The following GCNT2 variants were observed in gnomAD, a reference collection of about 807,000 sequenced individuals.
GCNT2 encodes the protein N-acetyllactosaminide beta-1,6-N-acetylglucosaminyl-transferase.
A neutral mutation model predicts 34.2 loss-of-function variants in GCNT2; 34 were observed. That is an observed-to-expected ratio of 1.00 (90% CI 0.76 to 1.32). The LOEUF (loss-of-function observed/expected upper bound fraction) is 1.32, where lower values mean the gene tolerates loss of function less well. Ranked by LOEUF, GCNT2 falls within the 40% of genes most tolerant of loss-of-function variation. GCNT2 has a pLI of 0.00. For synonymous variants in GCNT2, 212 were observed against 188.0 expected (o/e 1.13, Z -1.04); for missense variants, 584 against 489.4 (o/e 1.19, Z -1.82).
chr6:10,614,171 C>T (rs1765669637), intron 3 of GCNT2, among the ~76,000 whole-genome samples: 1 of 152,098 alleles, frequency 6.6e-6, no homozygotes, highest in South Asian at 2.1e-4. Context: ...CCAAGTGATG[C>T]TTACTAGGTA....
chr6:10,569,507 CG>C (rs1763441866), intron 3 of GCNT2, among the ~76,000 whole-genome samples: 1 of 152,106 alleles, frequency 6.6e-6, no homozygotes, highest in African/African-American at 2.4e-5. Flanking sequence ...TTTTCTTTGA[CG>C]TTTCCTAAAT....
At chr6:10,617,862 C>T (rs576461673) in intron 3 of GCNT2, among the ~76,000 whole-genome samples, 18 of 149,762 alleles carry the variant, frequency 1.2e-4, no homozygotes, top group African/African-American at 3.5e-4. Context: ...TCAAACAATT[C>T]TTCTGCCTCA....
intron 3 of GCNT2, among the ~76,000 whole-genome samples, chr6:10,600,075 G>C (rs1765030333): frequency 6.6e-6 from 1 of 152,146 alleles, no homozygotes; most frequent in Non-Finnish European, 1.5e-5. Context: ...AGCTGAACCT[G>C]GCCACAAAGA....
intron 3 of GCNT2, among the ~76,000 whole-genome samples, chr6:10,576,541 T>C (rs1291126148): frequency 6.6e-6 from 1 of 152,010 alleles, no homozygotes; most frequent in Non-Finnish European, 1.5e-5. Flanking sequence ...CAAAAATCTA[T>C]TCAAGGAGGC....
chr6:10,588,828 TGTATGTGTGTG>T (rs1394368409), intron 3 of GCNT2, among the ~76,000 whole-genome samples: 10 of 145,336 alleles, frequency 6.9e-5, no homozygotes, highest in Non-Finnish European at 9.0e-5. Flanking sequence ...GTGTTTGCAG[TGTATGTGTGTG>T]GTGTGTGTGT....
At chr6:10,586,499 C>A (rs1162109965) in intron 3 of GCNT2, 1 of 1,614,166 alleles carries the variant, frequency 6.2e-7, no homozygotes. Context: ...TCCAGGCTGA[C>A]CTGAACTGTC....
chr6:10,586,915 G>A, intron 3 of GCNT2: 2 of 1,605,296 alleles, frequency 1.2e-6, no homozygotes, highest in South Asian at 1.1e-5. Context: ...AGGGTTTCAG[G>A]TAGGTACTAA....
chr6:10,572,202 A>G (rs1250084147), intron 3 of GCNT2, among the ~76,000 whole-genome samples: 1 of 152,116 alleles, frequency 6.6e-6, no homozygotes, highest in Non-Finnish European at 1.5e-5. Context: ...CAGTGCCCAA[A>G]ATATTTATGT....
In GCNT2 at chr6:10,551,998, A is replaced by AGG. The variant is rs1762505410; in HGVS notation, c.925+22162_925+22163insGG. On this transcript the variant is annotated intron_variant, in intron 3 of 4. Transcript: ENST00000495262. ...GGTCTCAAACTCCTGACCTCAGGTG[A>AGG]TCCACCCATCTTGGCCTCCCAAAGT... Among the ~76,000 whole-genome samples, 7 of 152,156 alleles carry AGG rather than the reference A, an allele frequency of 4.6e-5. No individual in the cohort carries two copies. In the South Asian group the frequency reaches 8.3e-4, roughly 18 times the overall value.
rs542662104 is a variant in GCNT2 at position 10,524,110 on chromosome 6, G to GT, written c.-469+2698dup. On this transcript the variant is annotated intron_variant, in intron 1 of 4. Coordinates refer to ENST00000495262, the MANE Select transcript of GCNT2 (RefSeq NM_145649.5). The stretch of plus-strand genomic sequence containing the variant: ...CGAGATCCATGCTGGATCTTGGTTT[G>GT]TTTTTCAACAAACGGGTGTTGTTTT... 6.0e-4 allele frequency among the ~76,000 whole-genome samples: 91 copies of GT among 152,040 alleles called. 1 individual carries two copies. The highest frequency in any genetic ancestry group is 2.2e-3 in the African/African-American group (90 of 41,492).
chr6:10,573,312 G>T, intron 3 of GCNT2: 3 of 981,626 alleles, frequency 3.1e-6, no homozygotes, highest in Non-Finnish European at 3.6e-6. Context: ...AAACTTAACA[G>T]AATATAGTCA....
chr6:10,625,728 C>T (rs902635132), intron 4 of GCNT2, among the ~76,000 whole-genome samples: 4 of 152,072 alleles, frequency 2.6e-5, no homozygotes, highest in South Asian at 4.1e-4. Context: ...CCCTTATCCA[C>T]GGGGGGATAC....
At chr6:10,532,674 G>A (rs957772961) in intron 3 of GCNT2, among the ~76,000 whole-genome samples, 1 of 152,132 alleles carries the variant, frequency 6.6e-6, no homozygotes, top group African/African-American at 2.4e-5. Flanking sequence ...CTGCTGTGTT[G>A]CCAGTGCTGG....
chr6:10,590,084 CTTCTCCT>C (rs1454724247), intron 3 of GCNT2, among the ~76,000 whole-genome samples: 2 of 152,150 alleles, frequency 1.3e-5, no homozygotes, highest in African/African-American at 4.8e-5. Flanking sequence ...TTTATAATGG[CTTCTCCT>C]GATCTTAAGG....
chr6:10,593,698 A>G lies in GCNT2; in HGVS notation c.926-27653A>G, dbSNP rs569962325. 2.6e-5 allele frequency among the ~76,000 whole-genome samples: 4 copies of G among 152,344 alleles called. No homozygotes were observed. The South Asian group carries it at 8.3e-4, about 32-fold the overall frequency. On this transcript the variant is annotated intron_variant, in intron 3 of 4. Coordinates refer to ENST00000495262, the MANE Select transcript of GCNT2 (RefSeq NM_145649.5). ...TGGCTTCTAAAAACAATAAAATATT[A>G]GTGGTATATCAAAGCTATATATAAT... is the stretch of plus-strand genomic sequence containing the variant.
At chr6:10,526,484 C>A (rs955438346) in intron 1 of GCNT2, among the ~76,000 whole-genome samples, 121 of 152,234 alleles carry the variant, frequency 7.9e-4, no homozygotes, top group African/African-American at 2.9e-3. Context: ...GAAGATAATA[C>A]CCAAGGCACA....
At chr6:10,567,110 A>G (rs756878545) in intron 3 of GCNT2, among the ~76,000 whole-genome samples, 7 of 152,182 alleles carry the variant, frequency 4.6e-5, no homozygotes, top group Non-Finnish European at 7.4e-5. Flanking sequence ...CTTGAGCCCA[A>G]GAGTTCAAGA....
intron 3 of GCNT2, among the ~76,000 whole-genome samples, chr6:10,562,318 G>A (rs913224593): frequency 6.6e-6 from 1 of 152,154 alleles, no homozygotes; most frequent in East Asian, 1.9e-4. Flanking sequence ...AGCTCCAAGT[G>A]TACTTGCTTT....
intron 4 of GCNT2, among the ~76,000 whole-genome samples, chr6:10,622,990 T>C (rs1766103967): frequency 2.0e-5 from 3 of 152,080 alleles, no homozygotes; most frequent in Admixed American, 1.3e-4. Context: ...CTTGACCTCG[T>C]GATCTGCCCC....
Sources: gnomAD v4.1 joint callset for allele counts (sites outside exome capture counted in the v4.1 genomes callset) on GRCh38, gnomAD v4.1.1 for gene constraint, MANE v1.5 for transcripts, NCBI Gene and HGNC (gene_info 2026-07-23, HGNC 2026-07-21) for gene names.